The following TRIM36 variants were observed in gnomAD, a reference collection of about 807,000 sequenced individuals.
TRIM36 encodes E3 ubiquitin-protein ligase TRIM36.
In TRIM36, 42 loss-of-function variants were observed where a neutral mutation model predicts 72.4. That is an observed-to-expected ratio of 0.58 (90% confidence interval 0.45 to 0.75). The LOEUF (loss-of-function observed/expected upper bound fraction) is 0.75, where lower values mean the gene tolerates loss of function less well. Ranked by LOEUF, TRIM36 falls within the 30% of genes least tolerant of loss-of-function variation. The probability of loss-of-function intolerance (pLI) is 0.00; values close to 1 mark genes in which losing one functional copy is unlikely to be tolerated. For synonymous variants in TRIM36, 315 were observed against 282.8 expected (o/e 1.11, Z -1.14); for missense variants, 913 against 857.1 (o/e 1.07, Z -0.81).
In TRIM36 at chr5:115,169,570, G is replaced by A. The variant is rs1046625024; in HGVS notation, c.27+38C>T. On this transcript the variant is annotated intron_variant, in intron 1 of 9. Coordinates refer to ENST00000513154, the MANE Select transcript of TRIM36 (RefSeq NM_001300759.2). ...GAGAAAGAGCCGCGGTCGGCACACC[G>A]CCCTCGAGGTGGGGGCGGCGGTCCC... The A allele has an allele frequency of 6.0e-6, 9 of 1,498,750 alleles. No homozygotes were observed. In the African/African-American group the frequency reaches 1.1e-4, roughly 19 times the overall value. The allele number at this position is 1,498,750 out of a possible 1,614,324, so 92.8% of individuals were successfully genotyped here.
chr5:115,134,243 G>A, intron 7 of TRIM36, 96 bp from the exon 8 acceptor site: 2 of 1,133,802 alleles, frequency 1.8e-6, no homozygotes, highest in Non-Finnish European at 1.2e-6. Flanking sequence ...AGTATTTAAT[G>A]ATTTCTATAC....
rs1457384261 is a variant in TRIM36, at chr5:115,148,407, A to C, written c.263-1013T>G. ...TGCATATCACATTCCCTCATTTGTA[A>C]ATCTGTTCTTTTTTTTTTTTTTTTT... On this transcript the variant is annotated intron_variant, in intron 2 of 9. Coordinates refer to ENST00000513154, the MANE Select transcript of TRIM36 (RefSeq NM_001300759.2). The C allele has an allele frequency of 1.4e-5, 13 of 915,448 alleles. No individual in the cohort carries two copies. In the Admixed American group the frequency reaches 2.6e-4, roughly 19 times the overall value. The allele number at this position is 915,448 out of a possible 1,614,324, so 56.7% of individuals were successfully genotyped here. A position where few individuals can be genotyped will look rare whatever the true frequency, so the allele number is the denominator to read the frequency against.
At chr5:115,156,235 T>C (rs984834549) in intron 2 of TRIM36, among the ~76,000 whole-genome samples, 14 of 152,078 alleles carry the variant, frequency 9.2e-5, no homozygotes, top group African/African-American at 3.4e-4. Flanking sequence ...ATGACCATAC[T>C]GCCATGAGCA....
rs1018990929 is a variant in TRIM36, at chr5:115,128,050, T to TA, written c.1797-1194dup. The stretch of plus-strand genomic sequence containing the variant: ...TTAAAATGTTAAAAATTTAAAAAAT[T>TA]AAAAAAAAAAACTTGTAGAACAAGG... On this transcript the variant is annotated intron_variant, in intron 9 of 9. Coordinates refer to ENST00000513154, the MANE Select transcript of TRIM36 (RefSeq NM_001300759.2). Among the ~76,000 whole-genome samples, 414 of 131,498 alleles carry TA rather than the reference T, an allele frequency of 3.1e-3. 2 individuals are homozygous for TA. Among genetic ancestry groups the TA allele is most frequent in the African/African-American group, 3.4e-3 (125 of 36,336 alleles). The allele number at this position is 131,498 out of a possible 152,430, so 86.3% of individuals were successfully genotyped here. A position where few individuals can be genotyped will look rare whatever the true frequency, so the allele number is the denominator to read the frequency against.
chr5:115,137,347 A>C lies in TRIM36; in HGVS notation c.1085+16T>G. On this transcript the variant is annotated intron_variant, in intron 6 of 9. Coordinates refer to ENST00000513154, the MANE Select transcript of TRIM36 (RefSeq NM_001300759.2). Reference sequence around the variant, plus strand: ...ATTGCTCAATAGGTTCTAAAGTTAGAAGTAAAAGAGAATACCTGAGGTGGA... The same window carrying C: ...ATTGCTCAATAGGTTCTAAAGTTAGCAGTAAAAGAGAATACCTGAGGTGGA... 3.1e-6 allele frequency: 5 copies of C among 1,594,110 alleles called. No homozygotes were observed. Among genetic ancestry groups the C allele is most frequent in the Non-Finnish European group, 4.3e-6 (5 of 1,172,872 alleles).
intron 2 of TRIM36, among the ~76,000 whole-genome samples, chr5:115,162,275 G>T (rs11738500): frequency 0.39 from 59,010 of 152,010 alleles, 12,012 homozygotes; most frequent in African/African-American, 0.5. Context: ...TCCCAGTAAT[G>T]CTATTTCGGA....
intron 2 of TRIM36, among the ~76,000 whole-genome samples, chr5:115,152,678 C>T (rs1303568920): frequency 1.3e-5 from 2 of 152,212 alleles, no homozygotes; most frequent in African/African-American, 4.8e-5. Context: ...TCAGCAGAAA[C>T]CCTACAGGCT....
At chr5:115,141,427 CT>C in intron 4 of TRIM36, 53 bp from the exon 5 acceptor site, 2 of 1,353,468 alleles carry the variant, frequency 1.5e-6, no homozygotes, top group Admixed American at 2.6e-5. Flanking sequence ...TTAGCAAAGA[CT>C]TTGCAGAATT....
chr5:115,176,312 C>A (rs747872493), intron 1 of TRIM36, among the ~76,000 whole-genome samples: 1 of 152,044 alleles, frequency 6.6e-6, no homozygotes, highest in African/African-American at 2.4e-5. Flanking sequence ...GATTTGAGGA[C>A]TTTCCAAGAC....
chr5:115,142,926 A>C (rs932990376), intron 4 of TRIM36, among the ~76,000 whole-genome samples: 81 of 152,264 alleles, frequency 5.3e-4, no homozygotes, highest in African/African-American at 1.8e-3. Flanking sequence ...AGTGTATATC[A>C]GAGTCTCCTG....
rs1019318099 is a variant in TRIM36 at position 115,169,857 on chromosome 5, C to T, written c.-223G>A. 16 of 1,307,336 alleles carry T rather than the reference C, an allele frequency of 1.2e-5. No homozygotes were observed. Among genetic ancestry groups the T allele is most frequent in the Non-Finnish European group, 1.6e-5 (16 of 1,026,828 alleles). 81.0% of individuals were successfully genotyped at this position (1,307,336 alleles called of 1,614,324 possible). A position where few individuals can be genotyped will look rare whatever the true frequency, so the allele number is the denominator to read the frequency against. On this transcript the variant is annotated 5_prime_UTR_variant, in exon 1 of 10. Transcript: ENST00000513154. ...AAGCGAGCTTTGCTCCCAGCGACTA[C>T]CCCGGGAATCCCGCCCAGCTGCCGG... is the stretch of plus-strand genomic sequence containing the variant.
At chr5:115,179,027 A>G (rs1193196313) in intron 1 of TRIM36, among the ~76,000 whole-genome samples, 3 of 152,194 alleles carry the variant, frequency 2.0e-5, no homozygotes, top group Non-Finnish European at 4.4e-5. Flanking sequence ...AACCGCGCAC[A>G]GGGAGTCGAG....
chr5:115,176,673 G>T (rs1222054701), intron 1 of TRIM36, among the ~76,000 whole-genome samples: 1 of 152,134 alleles, frequency 6.6e-6, no homozygotes, highest in Non-Finnish European at 1.5e-5. Flanking sequence ...TTCATTATAT[G>T]ATTCCAGAAG....
chr5:115,131,671 AATTTGGATACATAC>A (rs1186375457), intron 8 of TRIM36, among the ~76,000 whole-genome samples: 4 of 152,236 alleles, frequency 2.6e-5, no homozygotes, highest in East Asian at 1.9e-4. Flanking sequence ...AACATGGATA[AATTTGGATACATAC>A]ATTTGGATAC....
chr5:115,169,899 T>G lies in TRIM36; in HGVS notation c.-265A>C. On this transcript the variant is annotated 5_prime_UTR_variant, in exon 1 of 10. Transcript: ENST00000513154. ...AGCTGCCGGCTGCAGCAGCGGCTCC[T>G]GCGGACTGCGGCTGGGAACGGCGCC... The G allele has an allele frequency of 7.7e-7, 1 of 1,292,374 alleles. No individual in the cohort carries two copies. Among genetic ancestry groups the G allele is most frequent in the Non-Finnish European group, 9.8e-7 (1 of 1,018,880 alleles). 80.1% of individuals were successfully genotyped at this position (1,292,374 alleles called of 1,614,324 possible).
chr5:115,163,523 C>A lies in TRIM36; in HGVS notation c.257G>T (p.Arg86Ile). The stretch of plus-strand genomic sequence containing the variant: ...CCCACAGTTCTAACACATACCTGGT[C>A]TGTTAATTCGGTCAATTTTATCCAT... ...PSMDKIDRIN[R>I]PGWKRNSLTP... Residue 86 changes from arginine to isoleucine, a missense_variant, in exon 2 of 10, where the codon AGA becomes ATA. Arg to Ile is a moderately conservative substitution (Grantham distance 97). Coordinates refer to ENST00000513154, the MANE Select transcript of TRIM36 (RefSeq NM_001300759.2). 1 of 1,613,952 alleles carries A rather than the reference C, an allele frequency of 6.2e-7. No homozygotes were observed. The highest frequency in any genetic ancestry group is 8.5e-7 in the Non-Finnish European group (1 of 1,179,824).
intron 2 of TRIM36, chr5:115,148,870 A>G (rs1753735178): frequency 6.6e-6 from 1 of 152,192 alleles, no homozygotes; most frequent in Non-Finnish European, 1.5e-5. Context: ...AGGTCTTTAA[A>G]CAGCTACATC....
chr5:115,166,130 G>T (rs1754762905), intron 1 of TRIM36, among the ~76,000 whole-genome samples: 1 of 152,146 alleles, frequency 6.6e-6, no homozygotes, highest in African/African-American at 2.4e-5. Context: ...GGGAGGAAAG[G>T]GACAGGTCCC....
intron 2 of TRIM36, among the ~76,000 whole-genome samples, chr5:115,156,905 C>CA (rs1383024823): frequency 1.3e-5 from 2 of 152,130 alleles, no homozygotes; most frequent in Admixed American, 6.5e-5. Flanking sequence ...AAAAAATCTT[C>CA]AAAATCTATA....
Sources: allele counts gnomAD v4.1 joint callset (sites outside exome capture counted in the v4.1 genomes callset), GRCh38; gene constraint gnomAD v4.1.1; transcripts MANE v1.5; gene names NCBI Gene and HGNC (gene_info 2026-07-23, HGNC 2026-07-21).